Variants in MAP3K5 observed in about 807,000 individuals in gnomAD.
MAP3K5 encodes ASK-1.
MAP3K5 carries 56 observed loss-of-function variants against 158.7 expected under a neutral mutation model. That is an observed-to-expected ratio of 0.35 (90% confidence interval 0.28 to 0.44). The LOEUF (loss-of-function observed/expected upper bound fraction) is 0.44. Among genes scored for constraint, MAP3K5 ranks in the 20% least tolerant of loss-of-function variants. The probability of loss-of-function intolerance (pLI) is 1.00; values close to 1 mark genes in which losing one functional copy is unlikely to be tolerated. For synonymous variants in MAP3K5, 579 were observed against 601.7 expected (o/e 0.96, Z 0.55); for missense variants, 1,294 against 1,674.8 (o/e 0.77, Z 3.97).
At chr6:136,676,313 T>C (rs1218461885) in intron 7 of MAP3K5, among the ~76,000 whole-genome samples, 2 of 152,178 alleles carry the variant, frequency 1.3e-5, no homozygotes, top group African/African-American at 4.8e-5. Flanking sequence ...GGTAAATACG[T>C]CAGTTCATAC....
chr6:136,607,933 A>T lies in MAP3K5; in HGVS notation c.2522-2567T>A, dbSNP rs1776169187. ...ACATGTTATGACCAAAAAAATATAG[A>T]CCCGAGTGAAGAGGATCAGCAGGAA... On this transcript the variant is annotated intron_variant, in intron 18 of 29. Coordinates refer to ENST00000359015, the MANE Select transcript of MAP3K5 (RefSeq NM_005923.4). Among the ~76,000 whole-genome samples the T allele has an allele frequency of 2.0e-5, 3 of 152,162 alleles. 1 individual carries two copies. The South Asian group carries it at 6.2e-4, about 32-fold the overall frequency.
At chr6:136,769,738 G>GGGAAGGAAGGAAGGAAGGAAGGAA (rs1209835950) in intron 1 of MAP3K5, among the ~76,000 whole-genome samples, 2 of 52,310 alleles carry the variant, frequency 3.8e-5, no homozygotes, top group African/African-American at 9.6e-5. Flanking sequence ...AAGGGAGGAA[G>GGGAAGGAAGGAAGGAAGGAAGGAA]GGAAGGAAGG....
intron 7 of MAP3K5, among the ~76,000 whole-genome samples, chr6:136,683,605 G>A (rs1004213962): frequency 2.0e-5 from 3 of 152,158 alleles, no homozygotes; most frequent in African/African-American, 7.2e-5. Context: ...CTTGCAATAT[G>A]CCAAGAGCAT....
At chr6:136,710,230 A>T (rs1399059120) in intron 2 of MAP3K5, among the ~76,000 whole-genome samples, 1 of 152,220 alleles carries the variant, frequency 6.6e-6, no homozygotes, top group Non-Finnish European at 1.5e-5. Flanking sequence ...TAAATTTAAG[A>T]CATAACTGCT....
chr6:136,757,503 C>G (rs1413687380), intron 1 of MAP3K5, among the ~76,000 whole-genome samples: 2 of 151,852 alleles, frequency 1.3e-5, no homozygotes, highest in Non-Finnish European at 2.9e-5. Context: ...CTTTCTATTA[C>G]TGTGTTTACC....
rs1196939198 is a variant in MAP3K5, at chr6:136,669,276, T to C, written c.1366+7A>G. The C allele has an allele frequency of 2.5e-6, 4 of 1,583,194 alleles. No individual in the cohort carries two copies. Among genetic ancestry groups the C allele is most frequent in the Non-Finnish European group, 1.7e-6 (2 of 1,152,392 alleles). On this transcript the variant is annotated splice_region_variant and intron_variant, in intron 8 of 29. Coordinates refer to ENST00000359015, the MANE Select transcript of MAP3K5 (RefSeq NM_005923.4). Reference sequence around the variant, plus strand: ...GATTTCCATGTAAAATATCAAGTTGTAATTACCAACTTTCCGGAGCTCAAA... The same window carrying C: ...GATTTCCATGTAAAATATCAAGTTGCAATTACCAACTTTCCGGAGCTCAAA...
chr6:136,640,832 G>T lies in MAP3K5; in HGVS notation c.1839-1194C>A, dbSNP rs1358333018. On this transcript the variant is annotated intron_variant, in intron 12 of 29. Transcript: ENST00000359015. ...CTAGTTGGATTTTCTTCCATAGTTT[G>T]TCATCTCTTCTTTGTGGAGGAGGAG... Among the ~76,000 whole-genome samples the T allele has an allele frequency of 2.0e-5, 3 of 152,146 alleles. No homozygotes were observed. In the East Asian group the frequency reaches 5.8e-4, roughly 29 times the overall value.
intron 1 of MAP3K5, among the ~76,000 whole-genome samples, chr6:136,734,162 T>C (rs986544390): frequency 6.6e-6 from 1 of 152,094 alleles, no homozygotes; most frequent in African/African-American, 2.4e-5. Context: ...CACCTCACCG[T>C]AATCCCAGCA....
intron 2 of MAP3K5, among the ~76,000 whole-genome samples, chr6:136,709,683 T>C (rs961727027): frequency 1.3e-5 from 2 of 152,212 alleles, no homozygotes; most frequent in African/African-American, 4.8e-5. Flanking sequence ...ATAACCCTCT[T>C]ACATGTCTCC....
chr6:136,774,360 G>A (rs1784327445), intron 1 of MAP3K5, among the ~76,000 whole-genome samples: 1 of 152,172 alleles, frequency 6.6e-6, no homozygotes, highest in Non-Finnish European at 1.5e-5. Flanking sequence ...AGGCTGAAGT[G>A]GGAGGATCGC....
At chr6:136,608,524 G>A (rs1490048140) in intron 18 of MAP3K5, among the ~76,000 whole-genome samples, 1 of 152,176 alleles carries the variant, frequency 6.6e-6, no homozygotes, top group East Asian at 1.9e-4. Flanking sequence ...GAAAAGAGAA[G>A]TGCCCTGGAT....
At chr6:136,714,954 T>A (rs1583465936) in intron 2 of MAP3K5, among the ~76,000 whole-genome samples, 1 of 152,150 alleles carries the variant, frequency 6.6e-6, no homozygotes, top group East Asian at 1.9e-4. Flanking sequence ...AGTGAGATAG[T>A]GAAGGAGTAA....
chr6:136,610,941 A>T (rs1008004957), intron 18 of MAP3K5, among the ~76,000 whole-genome samples: 3 of 151,726 alleles, frequency 2.0e-5, no homozygotes, highest in African/African-American at 7.3e-5. Context: ...CCTTGTCTCC[A>T]TCAAAAATAC....
Position 136,622,947 on chromosome 6 carries a change from A to G in MAP3K5, c.2051T>C (p.Val684Ala). ...DYEYDENGDR[V>A]VLGKGTYGIV... is the part of the protein sequence containing the mutation. ...CCCATAAGTGCCTTTTCCTAAAACG[A>G]CTCTGTCACCATTTTCATCATATTC... Residue 684 changes from valine to alanine, a missense_variant, in exon 15 of 30, where the codon GTC becomes GCC. Transcript: ENST00000359015. The G allele has an allele frequency of 6.2e-7, 1 of 1,613,902 alleles. No homozygotes were observed. Among genetic ancestry groups the G allele is most frequent in the South Asian group, 1.1e-5 (1 of 91,074 alleles).
rs144105280 is a variant in MAP3K5 at position 136,730,653 on chromosome 6, C to G, written c.449-10064G>C. On this transcript the variant is annotated intron_variant, in intron 1 of 29. Transcript: ENST00000359015. ...AGGAGAATGGCGTGAACCCAGGAGG[C>G]AGAGCTTGCAGTGAGCCAAGATGGC... Among the ~76,000 whole-genome samples, 1,395 of 147,096 alleles carry G rather than the reference C, an allele frequency of 9.5e-3. 13 individuals carry two copies. Among genetic ancestry groups the G allele is most frequent in the African/African-American group, 0.034 (1,343 of 39,424 alleles).
At chr6:136,561,666 G>T in intron 27 of MAP3K5, 21 bp from the exon 28 acceptor site, 1 of 1,397,700 alleles carries the variant, frequency 7.2e-7, no homozygotes, top group Non-Finnish European at 1.0e-6. Context: ...ATTTTGGGAA[G>T]ATATTCTTAA....
chr6:136,792,904 A>G (rs1000988565), upstream of MAP3K5, among the ~76,000 whole-genome samples: 1 of 152,084 alleles, frequency 6.6e-6, no homozygotes, highest in Non-Finnish European at 1.5e-5. The surrounding 1 kb of genome is among the most constrained non-coding windows in gnomAD (Gnocchi z 5.7). Flanking sequence ...CCAGCCCCCA[A>G]GGAGGGCGCT....
intron 2 of MAP3K5, among the ~76,000 whole-genome samples, chr6:136,718,487 C>G (rs1296173286): frequency 6.6e-6 from 1 of 152,176 alleles, no homozygotes; most frequent in Non-Finnish European, 1.5e-5. Flanking sequence ...CCACACCCAG[C>G]CTCTCCTTTA....
chr6:136,736,557 T>C (rs915565216), intron 1 of MAP3K5, among the ~76,000 whole-genome samples: 2 of 152,224 alleles, frequency 1.3e-5, no homozygotes, highest in East Asian at 3.8e-4. Context: ...CTATTCATTG[T>C]TAACTGATCT....
Sources: allele counts gnomAD v4.1 joint callset (sites outside exome capture counted in the v4.1 genomes callset), GRCh38; gene constraint gnomAD v4.1.1; non-coding constraint Gnocchi (gnomAD v3.1); transcripts MANE v1.5; gene names NCBI Gene and HGNC (gene_info 2026-07-23, HGNC 2026-07-21).